Variants in SIAH3 observed in about 807,000 individuals in gnomAD.
SIAH3 encodes seven in absentia homolog 3.
A neutral mutation model predicts 12.6 loss-of-function variants in SIAH3; 9 were observed. That is an observed-to-expected ratio of 0.72 (90% CI 0.43 to 1.25). SIAH3 has a LOEUF of 1.25. SIAH3 is among the 50% of genes most tolerant of loss of function. SIAH3 has a pLI of 0.00. For synonymous variants in SIAH3, 154 were observed against 151.1 expected, an observed-to-expected ratio of 1.02 and a Z score of -0.14; for missense variants, 390 against 365.4, an observed-to-expected ratio of 1.07 and a Z score of -0.55.
At chr13:45,837,570 A>C (rs2137580768) in intron 1 of SIAH3, among the ~76,000 whole-genome samples, 1 of 130,282 alleles carries the variant, frequency 7.7e-6, no homozygotes, top group Non-Finnish European at 1.6e-5. Context: ...GGAAGGAAGG[A>C]ATGAAGGAAG....
At chr13:45,830,249 G>A (rs1950694024) in intron 1 of SIAH3, among the ~76,000 whole-genome samples, 1 of 152,176 alleles carries the variant, frequency 6.6e-6, no homozygotes, top group African/African-American at 2.4e-5. Flanking sequence ...ACCTGAGCCT[G>A]TACATCCAAG....
chr13:45,822,572 G>T (rs1303681561), intron 1 of SIAH3, among the ~76,000 whole-genome samples: 1 of 109,078 alleles, frequency 9.2e-6, no homozygotes, highest in Admixed American at 1.2e-4. Flanking sequence ...TAGGGAACAG[G>T]CAAAAATGGT....
intron 1 of SIAH3, among the ~76,000 whole-genome samples, chr13:45,816,576 C>T (rs924089817): frequency 1.3e-5 from 2 of 152,218 alleles, no homozygotes; most frequent in African/African-American, 4.8e-5. Context: ...AACTTCAGCC[C>T]CTCGGGCGTG....
chr13:45,802,572 T>A (rs1278610429), intron 1 of SIAH3, among the ~76,000 whole-genome samples: 1 of 152,168 alleles, frequency 6.6e-6, no homozygotes, highest in Non-Finnish European at 1.5e-5. Flanking sequence ...GGGAGCTACA[T>A]TTACTGTCAC....
In SIAH3 at chr13:45,834,518, G is replaced by A. The variant is rs780580658; in HGVS notation, c.135+16977C>T. 3.0e-4 allele frequency among the ~76,000 whole-genome samples: 45 copies of A among 152,176 alleles called. 1 individual carries two copies. The highest frequency in any genetic ancestry group is 1.3e-4 in the Non-Finnish European group (9 of 68,030). The stretch of plus-strand genomic sequence containing the variant: ...AATAGGAAACCAATAGGAAGATGCA[G>A]CAGAGAGGCCTCGGGTTCCAGGGCA... On this transcript the variant is annotated intron_variant, in intron 1 of 1. Transcript: ENST00000400405.
intron 1 of SIAH3, among the ~76,000 whole-genome samples, chr13:45,837,249 C>T (rs1162929807): frequency 1.3e-5 from 2 of 152,148 alleles, no homozygotes; most frequent in African/African-American, 2.4e-5. Context: ...TTAAGAGACT[C>T]ATCTGGTGAC....
rs763432983 is a variant in SIAH3, at chr13:45,851,495, CT to C, written c.134del (p.Lys45SerfsTer58). On this transcript the variant is annotated frameshift_variant and splice_region_variant, in exon 1 of 2. Transcript: ENST00000400405. LOFTEE classifies it high-confidence loss of function. Reference protein sequence around the residue: ...VCVVNPTHNLKYVSSRRAVTQ... With the variant: ...VCVVNPTHNLXYVSSRRAVTQ... ...AAGGTAAAATGACACAGAGACTCAC[CT>C]TTAGGTTGTGTGTGGGGTTGACGAC... is the stretch of plus-strand genomic sequence containing the variant. 6.2e-7 allele frequency: 1 copy of C among 1,614,076 alleles called. No homozygotes were observed. Among genetic ancestry groups the C allele is most frequent in the South Asian group, 1.1e-5 (1 of 91,068 alleles).
intron 1 of SIAH3, among the ~76,000 whole-genome samples, chr13:45,828,820 T>A (rs1317356586): frequency 2.0e-5 from 3 of 152,210 alleles, no homozygotes; most frequent in Non-Finnish European, 4.4e-5. Flanking sequence ...GAAACCTGCT[T>A]ACCATGCAGA....
chr13:45,818,198 A>G (rs76178221), intron 1 of SIAH3, among the ~76,000 whole-genome samples: 2 of 152,316 alleles, frequency 1.3e-5, no homozygotes, highest in East Asian at 1.9e-4. Flanking sequence ...TGCACCTTGC[A>G]TGACTTCCTT....
chr13:45,799,194 T>C (rs1268053046), intron 1 of SIAH3, among the ~76,000 whole-genome samples: 1 of 152,078 alleles, frequency 6.6e-6, no homozygotes, highest in Admixed American at 6.5e-5. Context: ...AAGAGGCGGA[T>C]GGGGTTGGGG....
intron 1 of SIAH3, among the ~76,000 whole-genome samples, chr13:45,805,945 A>G (rs924866403): frequency 1.3e-5 from 2 of 152,236 alleles, no homozygotes; most frequent in African/African-American, 4.8e-5. Flanking sequence ...GAAGACATAC[A>G]TGTGACATAC....
rs533199238 is a variant in SIAH3 at position 45,851,449 on chromosome 13, G to A, written c.135+46C>T. 2,235 of 1,611,034 alleles carry A rather than the reference G, an allele frequency of 1.4e-3. 47 individuals carry two copies. The South Asian group carries it at 0.022, about 16-fold the overall frequency. On this transcript the variant is annotated intron_variant, in intron 1 of 1. Coordinates refer to ENST00000400405, the MANE Select transcript of SIAH3 (RefSeq NM_198849.3). ...AGGGTCGCTGCCGCCTCCGAGAAAG[G>A]ACTTGAACCTGAGCCCGGTGAAGGT...
In SIAH3 at chr13:45,782,413, C is replaced by G. The variant is rs1372254188; in HGVS notation, c.*970G>C. The G allele has an allele frequency of 6.6e-6, 1 of 152,084 alleles. No individual in the cohort carries two copies. Among genetic ancestry groups the G allele is most frequent in the Non-Finnish European group, 1.5e-5 (1 of 68,020 alleles). 9.4% of individuals were successfully genotyped at this position (152,084 alleles called of 1,614,324 possible). A position where few individuals can be genotyped will look rare whatever the true frequency, so the allele number is the denominator to read the frequency against. On this transcript the variant is annotated 3_prime_UTR_variant, in exon 2 of 2. Coordinates refer to ENST00000400405, the MANE Select transcript of SIAH3 (RefSeq NM_198849.3). ...GAGTTCTTTGCATTTGATGATGAGT[C>G]CTGGTTCTGCTTTTTGCATGATATG...
rs1264360014 is a variant in SIAH3, at chr13:45,779,085, A to C, written c.*4298T>G. 3.3e-5 allele frequency: 5 copies of C among 152,228 alleles called. No individual in the cohort carries two copies. In the East Asian group the frequency reaches 9.6e-4, roughly 29 times the overall value. 9.4% of individuals were successfully genotyped at this position (152,228 alleles called of 1,614,324 possible). On this transcript the variant is annotated 3_prime_UTR_variant, in exon 2 of 2. Coordinates refer to ENST00000400405, the MANE Select transcript of SIAH3 (RefSeq NM_198849.3). ...ACTTCCACCATGGCTAATTTCAAGC[A>C]ATCACCATGACGTCACTAAATGTGG... is the stretch of plus-strand genomic sequence containing the variant.
intron 1 of SIAH3, among the ~76,000 whole-genome samples, chr13:45,846,470 G>A (rs1040988171): frequency 3.3e-5 from 5 of 152,144 alleles, no homozygotes; most frequent in African/African-American, 1.2e-4. Flanking sequence ...GACATTTCTT[G>A]TCTAACCAGG....
intron 1 of SIAH3, among the ~76,000 whole-genome samples, chr13:45,785,545 G>A (rs1224266423): frequency 1.3e-5 from 2 of 152,192 alleles, no homozygotes; most frequent in Admixed American, 1.3e-4. Flanking sequence ...GTACATACAT[G>A]CACAGTCATG....
chr13:45,843,772 G>A (rs542057974), intron 1 of SIAH3, among the ~76,000 whole-genome samples: 14 of 152,176 alleles, frequency 9.2e-5, no homozygotes, highest in South Asian at 2.1e-4. Context: ...AAGGGAAGGC[G>A]GAGAAAGACA....
intron 1 of SIAH3, among the ~76,000 whole-genome samples, chr13:45,811,296 G>T (rs1056764897): frequency 8.5e-5 from 13 of 152,166 alleles, no homozygotes; most frequent in African/African-American, 2.9e-4. Context: ...GTGAGAGGTG[G>T]TGATATTTGT....
At chr13:45,801,835 G>A (rs768924268) in intron 1 of SIAH3, among the ~76,000 whole-genome samples, 2 of 152,202 alleles carry the variant, frequency 1.3e-5, no homozygotes, top group Non-Finnish European at 2.9e-5. Context: ...GCATGCTCCA[G>A]GCATTAGTCT....
Sources: gnomAD v4.1 joint callset for allele counts (sites outside exome capture counted in the v4.1 genomes callset) on GRCh38, gnomAD v4.1.1 for gene constraint, MANE v1.5 for transcripts, NCBI Gene and HGNC (gene_info 2026-07-23, HGNC 2026-07-21) for gene names.